PHC2: variants seen among roughly 807,000 people sequenced by gnomAD.
PHC2 encodes polyhomeotic-like protein 2.
A neutral mutation model predicts 87.4 loss-of-function variants in PHC2; 29 were observed. That is an observed-to-expected ratio of 0.33 (90% confidence interval 0.25 to 0.45). PHC2 has a LOEUF of 0.45. Among genes scored for constraint, PHC2 ranks in the 20% least tolerant of loss-of-function variants. PHC2 has a pLI of 1.00. For synonymous variants in PHC2, 438 were observed against 461.7 expected (o/e 0.95, Z 0.66); for missense variants, 857 against 1,136.7 (o/e 0.75, Z 3.54).
chr1:33,425,806 A>G (rs1271752267), intron 1 of PHC2, among the ~76,000 whole-genome samples: 1 of 152,170 alleles, frequency 6.6e-6, no homozygotes, highest in Non-Finnish European at 1.5e-5. Flanking sequence ...CATGATGTAT[A>G]CTGCAGTTTA....
intron 1 of PHC2, among the ~76,000 whole-genome samples, chr1:33,414,358 G>A (rs1321239207): frequency 6.6e-6 from 1 of 152,190 alleles, no homozygotes; most frequent in Non-Finnish European, 1.5e-5. Context: ...CAGACAGTCT[G>A]TAGTTAGTGG....
chr1:33,409,559 T>G (rs1649903532), intron 1 of PHC2, among the ~76,000 whole-genome samples: 1 of 152,222 alleles, frequency 6.6e-6, no homozygotes, highest in Non-Finnish European at 1.5e-5. Context: ...TATATACTTT[T>G]GTAATAAAAA....
At chr1:33,359,866 G>A (rs1374903790) in intron 7 of PHC2, among the ~76,000 whole-genome samples, 2 of 152,206 alleles carry the variant, frequency 1.3e-5, no homozygotes, top group Non-Finnish European at 2.9e-5. Context: ...ATCATGTATA[G>A]TTGAAAGCCA....
Position 33,324,911 on chromosome 1 carries a change from G to T in PHC2, c.2534C>A (p.Pro845His). The T allele has an allele frequency of 6.2e-7, 1 of 1,613,882 alleles. No individual in the cohort carries two copies. Residue 845 changes from proline to histidine, a missense_variant, in exon 15 of 15, where the codon CCC becomes CAC. Transcript: ENST00000683057. ...GATGCGGGCGTAGATCTTCAGGGCG[G>T]GCCCCAGCTTGATGTTCATGGCGCT... ...LMSAMNIKLG[P>H]ALKIYARISM...
At position 33,332,541 on chromosome 1, in the gene PHC2, T is replaced by C; in HGVS notation, c.1762-137A>G. On this transcript the variant is annotated intron_variant, in intron 10 of 14. Transcript: ENST00000683057. The surrounding 1 kb of genome is among the most constrained non-coding windows in gnomAD (Gnocchi z 4.2). ...CCTCAAACCTTCCCCCATGTCATCA[T>C]CCAAGTGTGCTGGGCTCAAGGCCCT... 1 of 1,057,432 alleles carries C rather than the reference T, an allele frequency of 9.5e-7. No homozygotes were observed. The highest frequency in any genetic ancestry group is 1.4e-6 in the Non-Finnish European group (1 of 711,884). 65.5% of individuals were successfully genotyped at this position (1,057,432 alleles called of 1,614,324 possible).
At chr1:33,343,699 A>T (rs929633498) in intron 9 of PHC2, among the ~76,000 whole-genome samples, 1 of 152,176 alleles carries the variant, frequency 6.6e-6, no homozygotes, top group Non-Finnish European at 1.5e-5. Flanking sequence ...TTAGGAAATC[A>T]TTCTAATCTC....
chr1:33,354,903 T>A lies in PHC2; in HGVS notation c.1327A>T (p.Thr443Ser). 1 of 1,614,010 alleles carries A rather than the reference T, an allele frequency of 6.2e-7. No homozygotes were observed. Among genetic ancestry groups the A allele is most frequent in the African/African-American group, 1.3e-5 (1 of 74,992 alleles). The change falls in exon 8 of 15, where the codon ACC (threonine) becomes TCC (serine). Residue 443 changes from threonine (T) to serine (S), a missense_variant. This residue lies in a region of PHC2 where 832 missense variants were observed against 1,081.8 expected (regional missense o/e 0.77). Transcript: ENST00000683057. The part of the protein sequence containing the change: ...QNGHPEGVPH[T>S]PQRRFQHTSA... ...GTGTGCTGGAACCTGCGTTGAGGGG[T>A]GTGGGGCACGCCCTCGGGATGTCCA...
At chr1:33,343,262 A>G (rs1389421343) in intron 9 of PHC2, among the ~76,000 whole-genome samples, 1 of 151,944 alleles carries the variant, frequency 6.6e-6, no homozygotes, top group Non-Finnish European at 1.5e-5. Flanking sequence ...AGAGATTGAG[A>G]CCATCCTGGT....
At chr1:33,328,378 ATTTTTT>A (rs10631917) in intron 14 of PHC2, among the ~76,000 whole-genome samples, 6 of 133,684 alleles carry the variant, frequency 4.5e-5, no homozygotes, top group Non-Finnish European at 9.3e-5. Flanking sequence ...TCTTAATTAA[ATTTTTT>A]TTTTTTTTTT....
At chr1:33,412,534 A>G (rs1231190339) in intron 1 of PHC2, among the ~76,000 whole-genome samples, 1 of 152,252 alleles carries the variant, frequency 6.6e-6, no homozygotes, top group Non-Finnish European at 1.5e-5. Flanking sequence ...CATTCTGTAT[A>G]TAGAAAGCAT....
intron 1 of PHC2, among the ~76,000 whole-genome samples, chr1:33,393,528 A>C (rs1391071048): frequency 1.4e-5 from 2 of 141,372 alleles, no homozygotes; most frequent in African/African-American, 5.4e-5. Flanking sequence ...GTCAGGAGCC[A>C]CACACACCAA....
chr1:33,336,246 C>T (rs1376517724), intron 9 of PHC2, among the ~76,000 whole-genome samples: 6 of 152,068 alleles, frequency 3.9e-5, no homozygotes, highest in African/African-American at 9.7e-5. Flanking sequence ...GCCTCAGCCT[C>T]GCAAAGTGCT....
intron 8 of PHC2, 25 bp downstream of exon 8, chr1:33,354,813 T>C: frequency 2.5e-6 from 4 of 1,605,050 alleles, no homozygotes; most frequent in African/African-American, 2.7e-5. Context: ...GTGTGCTCCC[T>C]GGACCTTGGG....
rs542174112 is a variant in PHC2, at chr1:33,376,513, G to A, written c.-54-920C>T. On this transcript the variant is annotated intron_variant, in intron 1 of 14. Transcript: ENST00000683057. ...TTCCTATAACGTTCTCCCTAGCAGT[G>A]ATCTCATGGATCACCTCTCACCCTA... Among the ~76,000 whole-genome samples the A allele has an allele frequency of 7.2e-5, 11 of 152,338 alleles. No homozygotes were observed. The South Asian group carries it at 2.3e-3, about 32-fold the overall frequency.
intron 1 of PHC2, among the ~76,000 whole-genome samples, chr1:33,428,273 T>A (rs1460633212): frequency 6.6e-6 from 1 of 152,192 alleles, no homozygotes; most frequent in Non-Finnish European, 1.5e-5. Flanking sequence ...TACAGGATAG[T>A]ATTTGCACAC....
intron 1 of PHC2, among the ~76,000 whole-genome samples, chr1:33,405,051 G>C (rs1357224321): frequency 6.6e-6 from 1 of 152,134 alleles, no homozygotes; most frequent in East Asian, 1.9e-4. Flanking sequence ...TAAGAAATTG[G>C]AGTTCATTTA....
intron 13 of PHC2, among the ~76,000 whole-genome samples, chr1:33,329,508 A>G (rs1400196335): frequency 6.6e-6 from 1 of 152,248 alleles, no homozygotes; most frequent in Non-Finnish European, 1.5e-5. Context: ...AAATAAGGCA[A>G]AATTATACAT....
chr1:33,377,311 G>C (rs1648235565), intron 1 of PHC2, among the ~76,000 whole-genome samples: 1 of 152,312 alleles, frequency 6.6e-6, no homozygotes, highest in Non-Finnish European at 1.5e-5. Flanking sequence ...ACACTGCCCA[G>C]ATCCAATAGA....
chr1:33,372,011 T>C (rs1325740383), intron 3 of PHC2, among the ~76,000 whole-genome samples: 1 of 152,212 alleles, frequency 6.6e-6, no homozygotes, highest in Non-Finnish European at 1.5e-5. Flanking sequence ...CCACAGTCCT[T>C]TCCCTAGACC....
Sources: gnomAD v4.1 joint callset for allele counts (sites outside exome capture counted in the v4.1 genomes callset) on GRCh38, gnomAD v4.1.1 for gene constraint, gnomAD v4.1.1 regional missense constraint, Gnocchi (gnomAD v3.1) non-coding constraint, MANE v1.5 for transcripts, NCBI Gene and HGNC (gene_info 2026-07-23, HGNC 2026-07-21) for gene names.